The following NIPBL variants were observed in gnomAD, a reference collection of about 807,000 sequenced individuals.
The protein encoded by NIPBL is NIPBL cohesin loading factor.
In NIPBL, 19 loss-of-function variants were observed where a neutral mutation model predicts 321.8. The ratio of observed to expected loss-of-function variants is 0.06; its 90% CI spans 0.04 to 0.09. The LOEUF (loss-of-function observed/expected upper bound fraction) is 0.09, where lower values mean the gene tolerates loss of function less well. Among genes scored for constraint, NIPBL ranks in the 10% least tolerant of loss-of-function variants. The pLI is 1.00. For synonymous variants in NIPBL, 1,106 were observed against 1,114.1 expected (o/e 0.99, Z 0.14); for missense variants, 2,210 against 3,327.0 (o/e 0.66, Z 8.26).
In NIPBL at chr5:36,972,049, T is replaced by A; in HGVS notation, c.868+8T>A. 1 of 1,580,876 alleles carries A rather than the reference T, an allele frequency of 6.3e-7. No homozygotes were observed. Among genetic ancestry groups the A allele is most frequent in the Non-Finnish European group, 8.7e-7 (1 of 1,150,134 alleles). On this transcript the variant is annotated splice_region_variant and intron_variant, in intron 8 of 46. Transcript: ENST00000282516. The stretch of plus-strand genomic sequence containing the variant: ...GTGAAGGAACTCCTAAAGGTACTAC[T>A]GTAACTAAAATTTCCTTCTGTATAT...
chr5:36,945,309 A>G (rs1269424642), intron 1 of NIPBL, among the ~76,000 whole-genome samples: 2 of 152,200 alleles, frequency 1.3e-5, no homozygotes, highest in South Asian at 4.1e-4. Context: ...ACTGTATAAC[A>G]AACTGGGACT....
intron 9 of NIPBL, among the ~76,000 whole-genome samples, chr5:36,980,140 A>G (rs1440213593): frequency 2.0e-5 from 3 of 151,752 alleles, no homozygotes; most frequent in Non-Finnish European, 4.4e-5. Flanking sequence ...TATACTGCGA[A>G]CTTTCCTTTG....
In NIPBL at chr5:37,061,013, C is replaced by A; in HGVS notation, c.7855C>A (p.Leu2619Ile). 1 of 1,613,830 alleles carries A rather than the reference C, an allele frequency of 6.2e-7. No homozygotes were observed. ...EVKRSIVKQY[L>I]DFKLLMEHLD... ...GAAAAGGAGTATAGTAAAACAGTAT[C>A]TAGATGTGAGTAGTAAAACCAAAAG... is the stretch of plus-strand genomic sequence containing the variant. The change falls in exon 45 of 47, where the codon CTA (leucine) becomes ATA (isoleucine). Residue 2619 changes from leucine to isoleucine, a missense_variant. Coordinates refer to ENST00000282516, the MANE Select transcript of NIPBL (RefSeq NM_133433.4).
chr5:37,027,419 G>C lies in NIPBL; in HGVS notation c.5862+7G>C. The C allele has an allele frequency of 6.2e-7, 1 of 1,607,164 alleles. No individual in the cohort carries two copies. The highest frequency in any genetic ancestry group is 8.5e-7 in the Non-Finnish European group (1 of 1,175,294). Reference sequence around the variant, plus strand: ...TGAGCAACTGCTTCAAAACGTGAGTGTTCTTTTGACTCCTGATAACCTAAA... The same window carrying C: ...TGAGCAACTGCTTCAAAACGTGAGTCTTCTTTTGACTCCTGATAACCTAAA... On this transcript the variant is annotated splice_region_variant and intron_variant, in intron 32 of 46. Transcript: ENST00000282516.
intron 1 of NIPBL, among the ~76,000 whole-genome samples, chr5:36,952,085 T>TGC (rs1561070636): frequency 6.8e-6 from 1 of 145,994 alleles, no homozygotes; most frequent in African/African-American, 2.6e-5. Context: ...TGTGTGTGTG[T>TGC]AGCAGTTTAA....
intron 12 of NIPBL, 78 bp from the exon 13 acceptor site, chr5:37,000,739 G>GA (rs1429817785): frequency 1.7e-5 from 24 of 1,392,448 alleles, no homozygotes; most frequent in Non-Finnish European, 2.3e-5. Context: ...TAACGTTCAG[G>GA]AAAAAAACTA....
chr5:37,050,280 A>G (rs1379904918), intron 40 of NIPBL, among the ~76,000 whole-genome samples: 1 of 152,092 alleles, frequency 6.6e-6, no homozygotes, highest in Non-Finnish European at 1.5e-5. Context: ...CATAGCCAAC[A>G]TGGCAAAACC....
chr5:36,976,314 G>A lies in NIPBL; in HGVS notation c.1407G>A (p.Val469=), dbSNP rs1165897997. The change falls in exon 9 of 47, where the codon GTG becomes GTA. Residue 469 remains valine, a synonymous_variant. Coordinates refer to ENST00000282516, the MANE Select transcript of NIPBL (RefSeq NM_133433.4). The part of the protein sequence containing the change: ...ISQQGPIYDE[V]ELDALAEIER... ...AACAGGGACCTATATATGATGAAGT[G>A]GAATTGGATGCATTGGCTGAAATTG... 6.2e-7 allele frequency: 1 copy of A among 1,613,214 alleles called. No homozygotes were observed. Among genetic ancestry groups the A allele is most frequent in the South Asian group, 1.1e-5 (1 of 91,032 alleles).
chr5:36,930,038 C>G (rs1306756980), intron 1 of NIPBL, among the ~76,000 whole-genome samples: 1 of 151,810 alleles, frequency 6.6e-6, no homozygotes, highest in South Asian at 2.1e-4. Context: ...TTTTTCTTCA[C>G]TAAATTATTT....
At chr5:36,902,966 A>G (rs1447379837) in intron 1 of NIPBL, among the ~76,000 whole-genome samples, 1 of 151,750 alleles carries the variant, frequency 6.6e-6, no homozygotes, top group Admixed American at 6.6e-5. Context: ...TCTAATTCTC[A>G]TTGTAGAGAT....
intron 16 of NIPBL, among the ~76,000 whole-genome samples, chr5:37,004,111 T>A (rs1349208801): frequency 6.6e-6 from 1 of 152,190 alleles, no homozygotes; most frequent in African/African-American, 2.4e-5. Context: ...AAAGAATTAA[T>A]TCATGTAAAG....
Position 37,024,683 on chromosome 5 carries a change from A to G in NIPBL, c.5673A>G (p.Lys1891=). Residue 1891 remains lysine (K), a synonymous_variant, in exon 30 of 47, where the codon AAA becomes AAG. Coordinates refer to ENST00000282516, the MANE Select transcript of NIPBL (RefSeq NM_133433.4). Reference sequence around the variant, plus strand: ...CAAAAATCACAGAAATGTGTGTAAAAATGATTCGCAGAGTCAATGATGAAG... The same window carrying G: ...CAAAAATCACAGAAATGTGTGTAAAGATGATTCGCAGAGTCAATGATGAAG... ...TFPKITEMCV[K]MIRRVNDEEG... is the part of the protein sequence containing the mutation. 1 of 1,612,462 alleles carries G rather than the reference A, an allele frequency of 6.2e-7. No homozygotes were observed. The highest frequency in any genetic ancestry group is 1.1e-5 in the South Asian group (1 of 90,912).
intron 1 of NIPBL, among the ~76,000 whole-genome samples, chr5:36,943,922 A>G (rs1445720281): frequency 6.6e-6 from 1 of 152,146 alleles, no homozygotes; most frequent in Non-Finnish European, 1.5e-5. Context: ...CACTGAATCT[A>G]GCAATTTTAA....
rs865821364 is a variant in NIPBL at position 37,013,245 on chromosome 5, C to T, written c.4561-1438C>T. On this transcript the variant is annotated intron_variant, in intron 21 of 46. Transcript: ENST00000282516. ...CTCCTCACTTCCCAGTAGGCGCGGC[C>T]GGGCAGAGGCGCCCCTCACCTCGCG... 9.7e-3 allele frequency among the ~76,000 whole-genome samples: 1,402 copies of T among 145,090 alleles called. 15 individuals carry two copies. Among genetic ancestry groups the T allele is most frequent in the Middle Eastern group, 0.028 (7 of 254 alleles).
At chr5:36,976,494 A>T in intron 9 of NIPBL, 92 bp downstream of exon 9, 1 of 1,240,532 alleles carries the variant, frequency 8.1e-7, no homozygotes, top group Non-Finnish European at 1.1e-6. Context: ...TTTCCCGAAT[A>T]TTTTGTATAA....
chr5:37,019,081 C>T (rs890733189), intron 24 of NIPBL, among the ~76,000 whole-genome samples: 2 of 151,960 alleles, frequency 1.3e-5, no homozygotes, highest in Admixed American at 1.3e-4. Flanking sequence ...CCAGCCTGGG[C>T]GACAGAGTGA....
chr5:37,055,818 C>CAACATAGTGAGACCAA (rs1367532485), intron 42 of NIPBL, among the ~76,000 whole-genome samples: 1 of 151,642 alleles, frequency 6.6e-6, no homozygotes, highest in Non-Finnish European at 1.5e-5. Context: ...CCAGCCTGGG[C>CAACATAGTGAGACCAA]AACATAGTGA....
intron 42 of NIPBL, among the ~76,000 whole-genome samples, chr5:37,054,923 A>G (rs764652530): frequency 2.0e-5 from 3 of 152,200 alleles, no homozygotes; most frequent in Non-Finnish European, 4.4e-5. Context: ...AAAAAAAAAA[A>G]CATTGTAAGT....
At chr5:37,042,131 A>C (rs1314626328) in intron 34 of NIPBL, among the ~76,000 whole-genome samples, 2 of 152,130 alleles carry the variant, frequency 1.3e-5, no homozygotes, top group African/African-American at 4.8e-5. Context: ...CTAGTGTGTT[A>C]ATGCACTCAA....
Sources: allele counts gnomAD v4.1 joint callset (sites outside exome capture counted in the v4.1 genomes callset), GRCh38; gene constraint gnomAD v4.1.1; transcripts MANE v1.5; gene names NCBI Gene and HGNC (gene_info 2026-07-23, HGNC 2026-07-21).